Variants in ATG7 observed in about 807,000 individuals in gnomAD.
The protein encoded by ATG7 is autophagy related 7, also known as ubiquitin-like modifier-activating enzyme ATG7.
In ATG7, 70 loss-of-function variants were observed where a neutral mutation model predicts 82.4. That is an observed-to-expected ratio of 0.85 (90% CI 0.70 to 1.04). ATG7 has a LOEUF of 1.04. Among genes scored for constraint, ATG7 ranks in the 50% least tolerant of loss-of-function variants. The pLI, the probability that ATG7 is intolerant of heterozygous loss-of-function variation, is 0.00. For synonymous variants in ATG7, 287 were observed against 313.0 expected (o/e 0.92, Z 0.88); for missense variants, 792 against 864.3 (o/e 0.92, Z 1.05).
chr3:11,342,186 G>C lies in ATG7; in HGVS notation c.1032G>C (p.Leu344Phe), dbSNP rs774573859. 6.2e-7 allele frequency: 1 copy of C among 1,613,480 alleles called. No individual in the cohort carries two copies. Among genetic ancestry groups the C allele is most frequent in the Admixed American group, 1.7e-5 (1 of 59,988 alleles). Residue 344 changes from leucine (L) to phenylalanine (F), a missense_variant, in exon 13 of 21, where the codon TTG becomes TTC. Coordinates refer to ENST00000693202, the MANE Select transcript of ATG7 (RefSeq NM_001349232.2). ...ATCTCAAACTGATGTGTTGGAGATT[G>C]GTTCCTACTTTAGACTTGGACAAGG... ...DLNLKLMCWR[L>F]VPTLDLDKVV...
chr3:11,510,509 A>T (rs1234178723), intron 20 of ATG7, among the ~76,000 whole-genome samples: 1 of 129,400 alleles, frequency 7.7e-6, no homozygotes, highest in African/African-American at 3.1e-5. Context: ...GCCTTCAGGG[A>T]GGATGTCCTG....
intron 19 of ATG7, among the ~76,000 whole-genome samples, chr3:11,411,913 C>T (rs1231714157): frequency 6.6e-6 from 1 of 151,230 alleles, no homozygotes; most frequent in Non-Finnish European, 1.5e-5. Context: ...AGGTGAGAGT[C>T]CAATTTCCTT....
At chr3:11,548,046 G>C (rs1222002579) in intron 20 of ATG7, among the ~76,000 whole-genome samples, 1 of 152,046 alleles carries the variant, frequency 6.6e-6, no homozygotes, top group African/African-American at 2.4e-5. Context: ...ATTTCCCTGT[G>C]TTTTCCAGGC....
At position 11,525,806 on chromosome 3, in the gene ATG7, G is replaced by A. The variant is rs149576265; in HGVS notation, c.2080-29005G>A. On this transcript the variant is annotated intron_variant, in intron 20 of 20. Coordinates refer to ENST00000693202, the MANE Select transcript of ATG7 (RefSeq NM_001349232.2). ...CCTGACGTTGTGATCTGCCCGCCTCGGCCTCCCAAAGTGCTGGGATTACAG... is the reference window on the plus strand; with the variant it reads ...CCTGACGTTGTGATCTGCCCGCCTCAGCCTCCCAAAGTGCTGGGATTACAG... Among the ~76,000 whole-genome samples, 560 of 151,834 alleles carry A rather than the reference G, an allele frequency of 3.7e-3. 2 individuals are homozygous for A. The highest frequency in any genetic ancestry group is 0.012 in the African/African-American group (508 of 41,390).
chr3:11,538,708 T>TAAA (rs1559815418), intron 20 of ATG7, among the ~76,000 whole-genome samples: 27 of 57,070 alleles, frequency 4.7e-4, no homozygotes, highest in African/African-American at 2.2e-3. Context: ...AAAAAAAAAT[T>TAAA]AGCCAAAAAA....
chr3:11,418,270 ATTT>A (rs551384190), intron 19 of ATG7, among the ~76,000 whole-genome samples: 1 of 141,394 alleles, frequency 7.1e-6, no homozygotes, highest in African/African-American at 2.6e-5. Context: ...ATACCTGGCT[ATTT>A]TTTTTTTTTT....
chr3:11,300,753 G>A (rs540231972), intron 5 of ATG7, among the ~76,000 whole-genome samples: 24 of 152,220 alleles, frequency 1.6e-4, no homozygotes, highest in Non-Finnish European at 2.6e-4. Context: ...ACAGCCATTC[G>A]GTTTTTCACT....
intron 20 of ATG7, among the ~76,000 whole-genome samples, chr3:11,552,398 A>G (rs1349175919): frequency 6.6e-6 from 1 of 152,178 alleles, no homozygotes; most frequent in Admixed American, 6.5e-5. Flanking sequence ...ATCTTCACTA[A>G]GAGGACATTC....
chr3:11,302,534 AAT>A (rs1946951515), intron 5 of ATG7, among the ~76,000 whole-genome samples: 1 of 152,226 alleles, frequency 6.6e-6, no homozygotes, highest in South Asian at 2.1e-4. Flanking sequence ...AGACTTATGA[AAT>A]ATGTTCTCCA....
At chr3:11,303,257 A>G (rs1559355558) in intron 5 of ATG7, among the ~76,000 whole-genome samples, 1 of 152,230 alleles carries the variant, frequency 6.6e-6, no homozygotes, top group Non-Finnish European at 1.5e-5. Context: ...TTGTCTTGCA[A>G]AGAAGACTGG....
chr3:11,432,229 A>G (rs2082957582), intron 20 of ATG7, among the ~76,000 whole-genome samples: 1 of 152,144 alleles, frequency 6.6e-6, no homozygotes, highest in Non-Finnish European at 1.5e-5. Flanking sequence ...GAGCTTGGAG[A>G]AAAAGAATAG....
chr3:11,542,789 G>A (rs1435336429), intron 20 of ATG7, among the ~76,000 whole-genome samples: 8 of 152,186 alleles, frequency 5.3e-5, no homozygotes, highest in Admixed American at 3.9e-4. Flanking sequence ...TCTTGGGAGT[G>A]AAGAAGGTGA....
chr3:11,470,418 T>C (rs1209781603), intron 20 of ATG7, among the ~76,000 whole-genome samples: 2 of 152,202 alleles, frequency 1.3e-5, no homozygotes, highest in East Asian at 1.9e-4. Context: ...GATTTGAGTA[T>C]GGAAACATAG....
Position 11,466,288 on chromosome 3 carries a change from T to G in ATG7, c.2079+39362T>G, listed in dbSNP as rs138334491. Among the ~76,000 whole-genome samples the G allele has an allele frequency of 1.2e-4, 18 of 152,366 alleles. No individual in the cohort carries two copies. The East Asian group carries it at 3.5e-3, about 29-fold the overall frequency. On this transcript the variant is annotated intron_variant, in intron 20 of 20. Coordinates refer to ENST00000693202, the MANE Select transcript of ATG7 (RefSeq NM_001349232.2). ...AATTCTGAATGAGACATAAATATGT[T>G]TTTCCCCTCTTAATTTTGGACCCCA...
chr3:11,420,753 CTT>C (rs869277638), intron 19 of ATG7, among the ~76,000 whole-genome samples: 1,338 of 125,956 alleles, frequency 0.011, 21 homozygotes, highest in African/African-American at 0.038. Context: ...ATACAAAATA[CTT>C]TTTTTTTTTT....
At chr3:11,335,060 G>A (rs540163733) in intron 11 of ATG7, among the ~76,000 whole-genome samples, 2 of 151,762 alleles carry the variant, frequency 1.3e-5, no homozygotes, top group South Asian at 4.2e-4. Flanking sequence ...GCGATTCTAT[G>A]CTCTAACACA....
At chr3:11,375,820 A>G (rs1169470049) in intron 18 of ATG7, among the ~76,000 whole-genome samples, 1 of 152,186 alleles carries the variant, frequency 6.6e-6, no homozygotes, top group African/African-American at 2.4e-5. Context: ...AGCTTCCCAA[A>G]GTGCTGGGAT....
chr3:11,477,904 C>T (rs2088448310), intron 20 of ATG7, among the ~76,000 whole-genome samples: 1 of 152,176 alleles, frequency 6.6e-6, no homozygotes, highest in South Asian at 2.1e-4. Context: ...ATATCAGTAG[C>T]CCCAGACTCC....
chr3:11,305,607 C>A (rs773194026), intron 5 of ATG7, among the ~76,000 whole-genome samples: 1 of 152,208 alleles, frequency 6.6e-6, no homozygotes, highest in Non-Finnish European at 1.5e-5. Context: ...CTCTTCAAGA[C>A]CAGCTTGGAT....
Sources: gnomAD v4.1 joint callset for allele counts (sites outside exome capture counted in the v4.1 genomes callset) on GRCh38, gnomAD v4.1.1 for gene constraint, MANE v1.5 for transcripts, NCBI Gene and HGNC (gene_info 2026-07-23, HGNC 2026-07-21) for gene names.